Variants in CTNNA3 observed in about 807,000 individuals in gnomAD.
CTNNA3 encodes catenin alpha 3, also known as catenin alpha-3.
Under a neutral mutation model 95.7 loss-of-function variants are expected in CTNNA3, and 76 were observed. The ratio of observed to expected loss-of-function variants is 0.79; its 90% CI spans 0.66 to 0.96. CTNNA3 has a LOEUF of 0.96. CTNNA3 is among the 40% of genes least tolerant of loss of function. The probability of loss-of-function intolerance (pLI) is 0.00; values close to 1 mark genes in which losing one functional copy is unlikely to be tolerated. For synonymous variants in CTNNA3, 431 were observed against 374.4 expected (o/e 1.15, Z -1.74); for missense variants, 1,191 against 1,089.8 (o/e 1.09, Z -1.31).
chr10:66,541,420 T>C (rs1468900014), intron 10 of CTNNA3, among the ~76,000 whole-genome samples: 1 of 152,178 alleles, frequency 6.6e-6, no homozygotes. Context: ...AGTAAAGTCC[T>C]GATTAGCCTT....
At chr10:67,720,129 C>CTTTTTTTTTTTTTTTTTTTTTT (rs58074397) in intron 1 of CTNNA3, among the ~76,000 whole-genome samples, 216 of 6,610 alleles carry the variant, frequency 0.033, 76 homozygotes, top group Admixed American at 0.038. Flanking sequence ...GCAACCCCTG[C>CTTTTTTTTTTTTTTTTTTTTTT]TTTTTTTTTT....
chr10:66,470,005 G>A (rs1839068826), intron 11 of CTNNA3, among the ~76,000 whole-genome samples: 1 of 151,804 alleles, frequency 6.6e-6, no homozygotes, highest in Admixed American at 6.6e-5. Context: ...GGAGACTTGT[G>A]CATGTTTAAA....
At chr10:67,593,991 C>T (rs550800196) in intron 3 of CTNNA3, among the ~76,000 whole-genome samples, 3 of 152,026 alleles carry the variant, frequency 2.0e-5, no homozygotes, top group Non-Finnish European at 4.4e-5. Flanking sequence ...TTATTGAAAG[C>T]CTTTTCTGTA....
intron 6 of CTNNA3, among the ~76,000 whole-genome samples, chr10:67,188,311 C>T (rs1259578280): frequency 6.6e-6 from 1 of 152,128 alleles, no homozygotes; most frequent in Non-Finnish European, 1.5e-5. Context: ...GCCTGGGCAA[C>T]ATAGTGAAAC....
At chr10:66,124,168 C>A (rs1381108116) in intron 13 of CTNNA3, among the ~76,000 whole-genome samples, 4 of 152,226 alleles carry the variant, frequency 2.6e-5, no homozygotes, top group African/African-American at 9.6e-5. Context: ...GCACCCAAGT[C>A]ACATCTTGAA....
At chr10:66,497,816 T>C (rs1462890557) in intron 11 of CTNNA3, among the ~76,000 whole-genome samples, 1 of 152,106 alleles carries the variant, frequency 6.6e-6, no homozygotes, top group Non-Finnish European at 1.5e-5. Context: ...ATATCATTTG[T>C]ATTTATGGAC....
At chr10:67,481,375 A>C (rs1325009914) in intron 5 of CTNNA3, among the ~76,000 whole-genome samples, 3 of 152,204 alleles carry the variant, frequency 2.0e-5, no homozygotes. Context: ...GTATCTAGAA[A>C]ACCCTAAAGA....
chr10:67,413,441 TACA>T (rs1283706307), intron 5 of CTNNA3, among the ~76,000 whole-genome samples: 9 of 152,116 alleles, frequency 5.9e-5, no homozygotes, highest in Admixed American at 5.2e-4. Flanking sequence ...CTGAGATTTA[TACA>T]ACAACTTCTT....
At chr10:66,146,103 T>G (rs1012399253) in intron 13 of CTNNA3, among the ~76,000 whole-genome samples, 1 of 152,140 alleles carries the variant, frequency 6.6e-6, no homozygotes, top group Admixed American at 6.5e-5. Flanking sequence ...CCACCTGCTT[T>G]GGCCTCCCAA....
chr10:67,639,048 C>CA (rs1839427536), intron 2 of CTNNA3, among the ~76,000 whole-genome samples: 1 of 151,998 alleles, frequency 6.6e-6, no homozygotes, highest in Non-Finnish European at 1.5e-5. Flanking sequence ...AAAAACCCTT[C>CA]AAAAAATTAA....
intron 7 of CTNNA3, among the ~76,000 whole-genome samples, chr10:66,999,255 C>A (rs1364465670): frequency 6.6e-6 from 1 of 152,012 alleles, no homozygotes; most frequent in Non-Finnish European, 1.5e-5. Context: ...AGTTAAAAGA[C>A]CTGTGACTGA....
intron 13 of CTNNA3, among the ~76,000 whole-genome samples, chr10:66,212,711 T>G (rs1216400651): frequency 6.6e-6 from 1 of 152,174 alleles, no homozygotes; most frequent in African/African-American, 2.4e-5. Flanking sequence ...AAATAAGAAA[T>G]GTCCTTTTTT....
At chr10:66,045,659 G>A (rs532236566) in intron 15 of CTNNA3, among the ~76,000 whole-genome samples, 1 of 152,192 alleles carries the variant, frequency 6.6e-6, no homozygotes, top group African/African-American at 2.4e-5. Context: ...TTCCACCCTA[G>A]AGCAGATAAG....
intron 7 of CTNNA3, among the ~76,000 whole-genome samples, chr10:66,987,139 C>T (rs185617744): frequency 6.6e-6 from 1 of 152,248 alleles, no homozygotes; most frequent in Admixed American, 6.5e-5. Context: ...TCTAGAGCCA[C>T]GTGCGTAGGT....
intron 7 of CTNNA3, among the ~76,000 whole-genome samples, chr10:67,125,523 T>C (rs1176657861): frequency 6.6e-6 from 1 of 152,206 alleles, no homozygotes; most frequent in Non-Finnish European, 1.5e-5. Context: ...CTTACATCTA[T>C]GAATATTAAA....
intron 5 of CTNNA3, among the ~76,000 whole-genome samples, chr10:67,514,177 G>A (rs1490602712): frequency 6.6e-6 from 1 of 152,116 alleles, no homozygotes; most frequent in Non-Finnish European, 1.5e-5. Context: ...GTGGATGCCT[G>A]TAATTCCAGC....
intron 10 of CTNNA3, among the ~76,000 whole-genome samples, chr10:66,539,951 G>A (rs769686757): frequency 1.3e-5 from 2 of 151,964 alleles, no homozygotes; most frequent in Non-Finnish European, 2.9e-5. Flanking sequence ...TAATAGTCCT[G>A]GTCAATGTTT....
chr10:67,373,928 A>G (rs963188139), intron 5 of CTNNA3, among the ~76,000 whole-genome samples: 2 of 152,168 alleles, frequency 1.3e-5, no homozygotes, highest in African/African-American at 4.8e-5. Context: ...ACAACATGCT[A>G]TGCCCCATGG....
chr10:67,586,630 G>A (rs1842635191), intron 3 of CTNNA3, among the ~76,000 whole-genome samples: 1 of 151,736 alleles, frequency 6.6e-6, no homozygotes, highest in African/African-American at 2.4e-5. Context: ...GCTTGCTTTG[G>A]CTTCTGTTTT....
Sources: allele counts gnomAD v4.1 joint callset (sites outside exome capture counted in the v4.1 genomes callset), GRCh38; gene constraint gnomAD v4.1.1; transcripts MANE v1.5; gene names NCBI Gene and HGNC (gene_info 2026-07-23, HGNC 2026-07-21).